Variants in UGT3A1 observed in about 807,000 individuals in gnomAD.
The protein encoded by UGT3A1 is UDP glycosyltransferase family 3 member A1.
Under a neutral mutation model 37.6 loss-of-function variants are expected in UGT3A1, and 40 were observed. The observed-to-expected ratio is 1.06, with a 90% CI of 0.83 to 1.38. UGT3A1 has a LOEUF of 1.38. UGT3A1 is among the 40% of genes most tolerant of loss of function. The probability of loss-of-function intolerance (pLI) is 0.00; values close to 1 mark genes in which losing one functional copy is unlikely to be tolerated. For synonymous variants in UGT3A1, 256 were observed against 232.3 expected (o/e 1.10, Z -0.93); for missense variants, 642 against 634.2 (o/e 1.01, Z -0.13).
chr5:35,973,035 G>A (rs1386356282), intron 2 of UGT3A1, among the ~76,000 whole-genome samples: 2 of 152,158 alleles, frequency 1.3e-5, no homozygotes, highest in Non-Finnish European at 2.9e-5. Flanking sequence ...CAGGAAAGGA[G>A]ATCCTAAAAA....
chr5:35,973,262 G>A (rs933829806), intron 2 of UGT3A1, among the ~76,000 whole-genome samples: 2 of 152,070 alleles, frequency 1.3e-5, no homozygotes, highest in East Asian at 1.9e-4. Context: ...AAATAGACTC[G>A]AGCTCCAGAA....
intron 2 of UGT3A1, among the ~76,000 whole-genome samples, chr5:35,978,507 T>C (rs902856587): frequency 1.3e-5 from 2 of 152,066 alleles, no homozygotes; most frequent in African/African-American, 4.8e-5. Flanking sequence ...AGAGCTTGTG[T>C]AGGGAAACAC....
Position 35,991,190 on chromosome 5 carries a change from G to T in UGT3A1, c.51C>A (p.Val17=). The T allele has an allele frequency of 1.9e-6, 3 of 1,614,212 alleles. No individual in the cohort carries two copies. Among genetic ancestry groups the T allele is most frequent in the Non-Finnish European group, 2.5e-6 (3 of 1,180,028 alleles). ...GGATTTTGGCAGCCTCTGAGAGCAG[G>T]ACCCCAGAAAGAAGGAAGGCCACTA... is the stretch of plus-strand genomic sequence containing the variant. ...LLLVAFLLSG[V]LLSEAAKILT... Residue 17 remains valine, a synonymous_variant, in exon 1 of 7, where the codon GTC becomes GTA. Transcript: ENST00000274278.
intron 2 of UGT3A1, among the ~76,000 whole-genome samples, chr5:35,985,675 C>A (rs1052545490): frequency 6.6e-6 from 1 of 152,150 alleles, no homozygotes; most frequent in Non-Finnish European, 1.5e-5. Context: ...CAAAACCAAG[C>A]CACTGTCTCT....
At chr5:35,956,457 A>G (rs1451795105) in intron 5 of UGT3A1, among the ~76,000 whole-genome samples, 1 of 152,242 alleles carries the variant, frequency 6.6e-6, no homozygotes, top group Non-Finnish European at 1.5e-5. Context: ...TATAAATTAA[A>G]TATACAGAAA....
chr5:35,994,329 T>TTCTTTGTGTG (rs3219508), upstream of UGT3A1, among the ~76,000 whole-genome samples: 36 of 89,588 alleles, frequency 4.0e-4, no homozygotes, highest in African/African-American at 1.2e-3. Flanking sequence ...TTGTTTTGTT[T>TTCTTTGTGTG]TGTTTGTGTG....
chr5:35,985,571 T>G (rs1162395339), intron 2 of UGT3A1, among the ~76,000 whole-genome samples: 1 of 152,130 alleles, frequency 6.6e-6, no homozygotes, highest in Non-Finnish European at 1.5e-5. Flanking sequence ...CAACCTTATC[T>G]TCAACAAAGA....
upstream of UGT3A1, among the ~76,000 whole-genome samples, chr5:35,994,641 AC>A (rs1412247822): frequency 6.6e-6 from 1 of 151,902 alleles, no homozygotes; most frequent in East Asian, 1.9e-4. Flanking sequence ...CCCCTCCCAC[AC>A]CTTCAGCCCC....
intron 2 of UGT3A1, among the ~76,000 whole-genome samples, chr5:35,981,298 A>G (rs1286668522): frequency 6.6e-6 from 1 of 152,222 alleles, no homozygotes; most frequent in Non-Finnish European, 1.5e-5. Flanking sequence ...AATATCCCAG[A>G]ACTCAAATAT....
At chr5:35,992,977 G>A (rs1447681290), upstream of UGT3A1, among the ~76,000 whole-genome samples, 1 of 152,066 alleles carries the variant, frequency 6.6e-6, no homozygotes, top group Admixed American at 6.6e-5. Context: ...TTGCCCACAA[G>A]GAAATTCCTA....
chr5:35,970,272 G>A (rs1739982951), intron 2 of UGT3A1, among the ~76,000 whole-genome samples: 1 of 151,986 alleles, frequency 6.6e-6, no homozygotes, highest in East Asian at 1.9e-4. Flanking sequence ...CACACCTGTA[G>A]TCCCAGCTAC....
intron 2 of UGT3A1, among the ~76,000 whole-genome samples, chr5:35,973,910 A>G (rs192946843): frequency 4.3e-4 from 65 of 152,350 alleles, no homozygotes; most frequent in Admixed American, 3.1e-3. Context: ...CTAGAGCATT[A>G]GCTAATTAAT....
Position 35,957,282 on chromosome 5 carries a change from C to A in UGT3A1, c.981G>T (p.Val327=). 1 of 1,614,168 alleles carries A rather than the reference C, an allele frequency of 6.2e-7. No individual in the cohort carries two copies. The highest frequency in any genetic ancestry group is 2.2e-5 in the East Asian group (1 of 44,876). ...HNAFAHLPQG[V]IWTCQSSHWP... is the part of the protein sequence containing the mutation. ...AATGAGAACTCTGACATGTCCATAT[C>A]ACTCCTTGAGGGAGGTGGGCAAAGG... The change falls in exon 5 of 7, where the codon GTG becomes GTT. Residue 327 remains valine (V), a synonymous_variant. Transcript: ENST00000274278.
At chr5:35,962,959 A>T (rs1417895829) in intron 4 of UGT3A1, 5 of 702,794 alleles carry the variant, frequency 7.1e-6, no homozygotes, top group Non-Finnish European at 1.3e-5. Flanking sequence ...ATTCTGAAAG[A>T]CAGGGAAATA....
In UGT3A1 at chr5:35,990,096, A is replaced by AG. The variant is rs1345368455; in HGVS notation, c.94+1050_94+1051insC. Among the ~76,000 whole-genome samples, 176 of 147,336 alleles carry AG rather than the reference A, an allele frequency of 1.2e-3. 1 individual carries two copies. The highest frequency in any genetic ancestry group is 0.011 in the Middle Eastern group (3 of 284). ...GACAGAGCAAGACTCCGTCTCAAAA[A>AG]AAAAAAAAAAAAGAAAGAAAATCCT... On this transcript the variant is annotated intron_variant, in intron 1 of 6. Coordinates refer to ENST00000274278, the MANE Select transcript of UGT3A1 (RefSeq NM_152404.4).
rs1739214206 is a variant in UGT3A1, at chr5:35,952,328, T to C, written c.*1874A>G. 6.6e-6 allele frequency: 1 copy of C among 152,128 alleles called. No individual in the cohort carries two copies. The highest frequency in any genetic ancestry group is 6.5e-5 in the Admixed American group (1 of 15,268). 9.4% of individuals were successfully genotyped at this position (152,128 alleles called of 1,614,324 possible). A position where few individuals can be genotyped will look rare whatever the true frequency, so the allele number is the denominator to read the frequency against. ...GCCTAGATTGGTAGCCAGGACCAAA[T>C]CATAGAGCCCTTATATTCCACACAA... On this transcript the variant is annotated 3_prime_UTR_variant, in exon 7 of 7. Coordinates refer to ENST00000274278, the MANE Select transcript of UGT3A1 (RefSeq NM_152404.4).
intron 2 of UGT3A1, among the ~76,000 whole-genome samples, chr5:35,987,623 C>A (rs538154079): frequency 2.6e-5 from 4 of 152,266 alleles, no homozygotes; most frequent in African/African-American, 9.6e-5. Context: ...ATCAAAAGTG[C>A]ATTAAAACTA....
At chr5:35,973,191 C>T (rs1409415641) in intron 2 of UGT3A1, among the ~76,000 whole-genome samples, 1 of 152,198 alleles carries the variant, frequency 6.6e-6, no homozygotes, top group Non-Finnish European at 1.5e-5. Flanking sequence ...TGTACAGTCT[C>T]TTTCTGAGTT....
chr5:35,970,123 G>T (rs1357128740), intron 2 of UGT3A1, among the ~76,000 whole-genome samples: 1 of 152,152 alleles, frequency 6.6e-6, no homozygotes, highest in Non-Finnish European at 1.5e-5. Context: ...GGGCACTGTG[G>T]CTCACTCCTG....
Sources: gnomAD v4.1 joint callset for allele counts (sites outside exome capture counted in the v4.1 genomes callset) on GRCh38, gnomAD v4.1.1 for gene constraint, MANE v1.5 for transcripts, NCBI Gene and HGNC (gene_info 2026-07-23, HGNC 2026-07-21) for gene names.